The following HERC1 variants were observed in gnomAD, a reference collection of about 807,000 sequenced individuals.
The protein encoded by HERC1 is HECT and RLD domain containing E3 ubiquitin protein ligase family member 1.
HERC1 carries 160 observed loss-of-function variants against 554.3 expected under a neutral mutation model. The observed-to-expected ratio is 0.29, with a 90% CI of 0.25 to 0.33. HERC1 has a LOEUF of 0.33. Ranked by LOEUF, HERC1 falls within the 10% of genes least tolerant of loss-of-function variation. The pLI is 1.00. For missense variants in HERC1, 4,919 were observed against 5,918.5 expected, an observed-to-expected ratio of 0.83 and a Z score of 5.54; for synonymous variants, 2,175 against 2,131.7, an observed-to-expected ratio of 1.02 and a Z score of -0.56.
chr15:63,664,061 T>C (rs532275217), intron 43 of HERC1, among the ~76,000 whole-genome samples: 1 of 152,346 alleles, frequency 6.6e-6, no homozygotes, highest in South Asian at 2.1e-4. Flanking sequence ...AGTGAAGCCC[T>C]AACAACCACA....
intron 34 of HERC1, among the ~76,000 whole-genome samples, chr15:63,685,961 A>G (rs2071737370): frequency 6.6e-6 from 1 of 152,238 alleles, no homozygotes; most frequent in South Asian, 2.1e-4. Context: ...ATTTTAGTAC[A>G]TGCTAGGCAG....
intron 14 of HERC1, among the ~76,000 whole-genome samples, chr15:63,732,077 C>T (rs1405990378): frequency 6.6e-6 from 1 of 152,096 alleles, no homozygotes; most frequent in African/African-American, 2.4e-5. Flanking sequence ...CCTCAGCTCA[C>T]TTCAGCCTCT....
At chr15:63,783,519 G>T (rs1051864462) in intron 1 of HERC1, among the ~76,000 whole-genome samples, 5 of 151,430 alleles carry the variant, frequency 3.3e-5, no homozygotes, top group African/African-American at 1.2e-4. Flanking sequence ...TATATACACT[G>T]AGAAACCAAA....
In HERC1 at chr15:63,696,252, T is replaced by C. The variant is rs2072405345; in HGVS notation, c.4993A>G (p.Ser1665Gly). Residue 1665 changes from serine (S) to glycine (G), a missense_variant, in exon 27 of 78, where the codon AGT becomes GGT. By Grantham distance (56) the Ser-to-Gly change is moderately conservative. This residue lies in a region of HERC1 where 1,121 missense variants were observed against 1,244.0 expected (regional missense o/e 0.90). Transcript: ENST00000443617. ...GSISLAGSRL[S>G]SGFQSSTLLT... ...AGTGTGGAGGACTGGAAGCCTGAAC[T>C]CAATCTGCTTCCTGCCAGTGAGATG... The C allele has an allele frequency of 6.2e-7, 1 of 1,612,972 alleles. No individual in the cohort carries two copies. Among genetic ancestry groups the C allele is most frequent in the Non-Finnish European group, 8.5e-7 (1 of 1,179,424 alleles).
intron 39 of HERC1, 100 bp from the exon 40 acceptor site, chr15:63,669,798 A>C: frequency 9.4e-7 from 1 of 1,069,404 alleles, no homozygotes; most frequent in Non-Finnish European, 1.4e-6. Flanking sequence ...GGAAGACTAA[A>C]CAGGTTAGTT....
Position 63,718,424 on chromosome 15 carries a change from CTTTTTT to C in HERC1, c.3978+144_3978+149del. The C allele has an allele frequency of 1.8e-6, 1 of 555,600 alleles. No homozygotes were observed. Among genetic ancestry groups the C allele is most frequent in the Non-Finnish European group, 2.8e-6 (1 of 362,280 alleles). 34.4% of individuals were successfully genotyped at this position (555,600 alleles called of 1,614,324 possible). ...GGTTAAGTAAATCTCAAATCTTTTCCTTTTTTTTTTTCTGCTAGGAAAAGAACTACT... is the reference window on the plus strand; with the variant it reads ...GGTTAAGTAAATCTCAAATCTTTTCCTTTTTCTGCTAGGAAAAGAACTACT... On this transcript the variant is annotated intron_variant, in intron 21 of 77. Transcript: ENST00000443617. This position sits in a 1 kb window ranked among gnomAD's most constrained non-coding sequence, Gnocchi z 4.2.
chr15:63,624,126 C>G, intron 72 of HERC1, 32 bp downstream of exon 72: 1 of 1,551,942 alleles, frequency 6.4e-7, no homozygotes, highest in Non-Finnish European at 8.8e-7. Context: ...AAAATCACAG[C>G]TCATTAGTCA....
At chr15:63,776,278 T>C (rs1596225337) in intron 1 of HERC1, among the ~76,000 whole-genome samples, 1 of 152,032 alleles carries the variant, frequency 6.6e-6, no homozygotes, top group African/African-American at 2.4e-5. Context: ...AATTAACATA[T>C]CCAAAACTGA....
At chr15:63,741,358 C>T (rs1488665443) in intron 12 of HERC1, among the ~76,000 whole-genome samples, 1 of 150,610 alleles carries the variant, frequency 6.6e-6, no homozygotes, top group East Asian at 1.9e-4. Context: ...GAGTTTCATT[C>T]TTGTCTCCCA....
intron 68 of HERC1, among the ~76,000 whole-genome samples, chr15:63,631,038 G>C (rs1399897320): frequency 1.3e-5 from 2 of 152,132 alleles, no homozygotes; most frequent in African/African-American, 4.8e-5. Context: ...CAGTGCAGTG[G>C]TGCGACCTCG....
At chr15:63,744,626 AC>A (rs993755826) in intron 12 of HERC1, among the ~76,000 whole-genome samples, 1 of 152,050 alleles carries the variant, frequency 6.6e-6, no homozygotes, top group African/African-American at 2.4e-5. Flanking sequence ...CATAGCTACC[AC>A]CACCCCAGGC....
chr15:63,698,232 A>G (rs2072534741), intron 26 of HERC1, among the ~76,000 whole-genome samples: 2 of 152,086 alleles, frequency 1.3e-5, no homozygotes. Flanking sequence ...CCTGGCCAAC[A>G]TGGTGAAACT....
Position 63,674,852 on chromosome 15 carries a change from A to G in HERC1, c.7336T>C (p.Ser2446Pro). 1 of 1,613,568 alleles carries G rather than the reference A, an allele frequency of 6.2e-7. No homozygotes were observed. The highest frequency in any genetic ancestry group is 8.5e-7 in the Non-Finnish European group (1 of 1,179,654). ...SALDMRTGLT[S>P]DDVKSQSTTS... ...GTACTCTGACTTTTGACGTCATCAG[A>G]TGTTAGGCCTGTTCGCATATCTAAA... The change falls in exon 38 of 78, where the codon TCT (serine) becomes CCT (proline). Residue 2446 changes from serine (S) to proline (P), a missense_variant. By Grantham distance (74) the Ser-to-Pro change is moderately conservative (BLOSUM62 -1). Transcript: ENST00000443617.
rs754632485 is a variant in HERC1, at chr15:63,658,529, T to C, written c.9599+15A>G. ...GAAGTTAACTTAGCATCATGTGACA[T>C]AAAATAACACTTACCTGACTGAGAG... On this transcript the variant is annotated intron_variant, in intron 48 of 77. Coordinates refer to ENST00000443617, the MANE Select transcript of HERC1 (RefSeq NM_003922.4). 1.3e-6 allele frequency: 2 copies of C among 1,594,774 alleles called. No homozygotes were observed. The highest frequency in any genetic ancestry group is 1.7e-6 in the Non-Finnish European group (2 of 1,166,614).
At chr15:63,730,489 T>C (rs886193321) in intron 14 of HERC1, among the ~76,000 whole-genome samples, 5 of 151,932 alleles carry the variant, frequency 3.3e-5, no homozygotes, top group Non-Finnish European at 7.4e-5. Context: ...AAAAGAGATA[T>C]GACAACTAAA....
chr15:63,810,133 T>C (rs2077256313), intron 1 of HERC1, among the ~76,000 whole-genome samples: 1 of 152,194 alleles, frequency 6.6e-6, no homozygotes, highest in African/African-American at 2.4e-5. Flanking sequence ...AAGTTAAAAA[T>C]ACATTAAGAT....
chr15:63,660,874 AAC>A (rs142673524), intron 46 of HERC1, 97 bp downstream of exon 46: 697 of 723,524 alleles, frequency 9.6e-4, no homozygotes, highest in South Asian at 1.4e-3. Context: ...CACAAATACA[AAC>A]ACACACACAC....
At chr15:63,722,428 A>G (rs78512963) in intron 19 of HERC1, among the ~76,000 whole-genome samples, 1,852 of 152,336 alleles carry the variant, frequency 0.012, 39 homozygotes, top group African/African-American at 0.043. Context: ...ATCCATTTAC[A>G]TAGCACGGAA....
chr15:63,649,119 C>T (rs1286305109), intron 54 of HERC1, among the ~76,000 whole-genome samples: 3 of 152,150 alleles, frequency 2.0e-5, no homozygotes, highest in South Asian at 2.1e-4. Flanking sequence ...CTTTGGGAGG[C>T]CAAGGTGGGC....
Sources: gnomAD v4.1 joint callset for allele counts (sites outside exome capture counted in the v4.1 genomes callset) on GRCh38, gnomAD v4.1.1 for gene constraint, gnomAD v4.1.1 regional missense constraint, Gnocchi (gnomAD v3.1) non-coding constraint, MANE v1.5 for transcripts, NCBI Gene and HGNC (gene_info 2026-07-23, HGNC 2026-07-21) for gene names.